Variants in GPM6A observed in about 807,000 individuals in gnomAD.
GPM6A encodes neuronal membrane glycoprotein M6-a.
GPM6A carries 7 observed loss-of-function variants against 32.1 expected under a neutral mutation model. That is an observed-to-expected ratio of 0.22 (90% confidence interval 0.12 to 0.41). The LOEUF is 0.41. Ranked by LOEUF, GPM6A falls within the 10% of genes least tolerant of loss-of-function variation. The pLI, the probability that GPM6A is intolerant of heterozygous loss-of-function variation, is 1.00. For synonymous variants in GPM6A, 130 were observed against 123.4 expected (o/e 1.05, Z -0.35); for missense variants, 235 against 347.2 (o/e 0.68, Z 2.57).
At chr4:175,847,982 T>C (rs534696965) in intron 1 of GPM6A, among the ~76,000 whole-genome samples, 9 of 152,320 alleles carry the variant, frequency 5.9e-5, no homozygotes, top group South Asian at 2.1e-4. Context: ...GAAACTGCTA[T>C]AGTTTCCTAA....
chr4:175,762,703 C>T (rs577527171), intron 1 of GPM6A, among the ~76,000 whole-genome samples: 8 of 152,142 alleles, frequency 5.3e-5, no homozygotes, highest in African/African-American at 1.4e-4. Flanking sequence ...AGAACATATG[C>T]GCATCTGTGC....
chr4:175,690,748 G>T (rs1488061971), intron 2 of GPM6A, among the ~76,000 whole-genome samples: 1 of 152,186 alleles, frequency 6.6e-6, no homozygotes, highest in Non-Finnish European at 1.5e-5. Context: ...AGGAGGATCT[G>T]CTCACCTCAG....
chr4:175,763,132 A>C (rs1164073303), intron 1 of GPM6A, among the ~76,000 whole-genome samples: 1 of 152,216 alleles, frequency 6.6e-6, no homozygotes, highest in Non-Finnish European at 1.5e-5. Context: ...AACAATAACT[A>C]CTTTTCAATA....
chr4:175,873,004 G>A (rs906655857), intron 1 of GPM6A, among the ~76,000 whole-genome samples: 1 of 152,046 alleles, frequency 6.6e-6, no homozygotes, highest in Non-Finnish European at 1.5e-5. Flanking sequence ...TTTATTTAAG[G>A]TATTTGGGGG....
chr4:175,725,709 A>G (rs1160363489), intron 1 of GPM6A, among the ~76,000 whole-genome samples: 1 of 152,224 alleles, frequency 6.6e-6, no homozygotes, highest in African/African-American at 2.4e-5. Context: ...AACGGTATCA[A>G]TGAGTACAGT....
intron 1 of GPM6A, among the ~76,000 whole-genome samples, chr4:175,765,518 CTTTGT>C (rs1339462125): frequency 1.3e-5 from 2 of 152,170 alleles, no homozygotes; most frequent in African/African-American, 4.8e-5. Context: ...TTTCTCTTTT[CTTTGT>C]TTTGACAACA....
At chr4:175,652,010 G>A in intron 3 of GPM6A, 23 bp from the exon 4 acceptor site, 1 of 1,582,608 alleles carries the variant, frequency 6.3e-7, no homozygotes, top group Non-Finnish European at 8.6e-7. Flanking sequence ...AAGAAATGGA[G>A]AGAGAAAATG....
chr4:175,719,942 T>C (rs1009589124), intron 1 of GPM6A, among the ~76,000 whole-genome samples: 1 of 152,198 alleles, frequency 6.6e-6, no homozygotes, highest in Non-Finnish European at 1.5e-5. Flanking sequence ...TTTTCAAATG[T>C]TATAGAAGAA....
chr4:175,665,520 C>A (rs1332254882), intron 3 of GPM6A, among the ~76,000 whole-genome samples: 1 of 152,036 alleles, frequency 6.6e-6, no homozygotes, highest in South Asian at 2.1e-4. Context: ...GTGGCTCAAG[C>A]CTGTAATCCC....
At chr4:175,902,974 T>G (rs947167641) in intron 1 of GPM6A, among the ~76,000 whole-genome samples, 3 of 152,136 alleles carry the variant, frequency 2.0e-5, no homozygotes, top group Non-Finnish European at 2.9e-5. Context: ...TATCTAAATA[T>G]GTACATATGT....
chr4:175,891,499 A>T (rs1737647327), intron 1 of GPM6A: 1 of 152,186 alleles, frequency 6.6e-6, no homozygotes, highest in Non-Finnish European at 1.5e-5. Context: ...ATCCTTTCTA[A>T]CACCCTCTTA....
rs550034048 is a variant in GPM6A, at chr4:175,970,815, T to G, written c.-23+31494A>C. The G allele has an allele frequency of 2.2e-4, 98 of 447,010 alleles. 1 individual carries two copies. The highest frequency in any genetic ancestry group is 1.5e-3 in the South Asian group (94 of 62,224). The allele number at this position is 447,010 out of a possible 1,614,324, so 27.7% of individuals were successfully genotyped here. Reference sequence around the variant, plus strand: ...TATTTTTCTTTGTCACCGCTTCTACTAAATTACTAAGCTGTCAGAAGAAGA... The same window carrying G: ...TATTTTTCTTTGTCACCGCTTCTACGAAATTACTAAGCTGTCAGAAGAAGA... On this transcript the variant is annotated intron_variant, in intron 1 of 7. Coordinates refer to the GPM6A transcript ENST00000280187.
rs1238245286 is a variant in GPM6A at position 175,999,795 on chromosome 4, C to T, written c.-23+2514G>A. On this transcript the variant is annotated intron_variant, in intron 1 of 7. Coordinates refer to the GPM6A transcript ENST00000280187. ...CTGGATTCCATTTGTTGGCGCAATCCAGCATTCTCCTACGCTGTTTTTCCC... is the reference window on the plus strand; with the variant it reads ...CTGGATTCCATTTGTTGGCGCAATCTAGCATTCTCCTACGCTGTTTTTCCC... 3.3e-5 allele frequency among the ~76,000 whole-genome samples: 5 copies of T among 152,146 alleles called. No individual in the cohort carries two copies. In the East Asian group the frequency reaches 7.7e-4, roughly 23 times the overall value.
At chr4:175,795,005 A>G (rs867131438) in intron 1 of GPM6A, among the ~76,000 whole-genome samples, 7 of 152,370 alleles carry the variant, frequency 4.6e-5, no homozygotes, top group Middle Eastern at 3.4e-3. Flanking sequence ...CATAATAAAG[A>G]CAACCTCAAT....
intron 2 of GPM6A, among the ~76,000 whole-genome samples, chr4:175,695,405 G>A (rs1186884735): frequency 6.6e-6 from 1 of 152,232 alleles, no homozygotes. Flanking sequence ...AGTCACAGGG[G>A]TAAAGCTTCC....
chr4:175,990,992 A>G (rs1396839241), intron 1 of GPM6A, among the ~76,000 whole-genome samples: 1 of 151,992 alleles, frequency 6.6e-6, no homozygotes, highest in Non-Finnish European at 1.5e-5. Flanking sequence ...TCCTCTTTAG[A>G]GAAATTTGCT....
At chr4:175,880,355 G>C (rs1394643500) in intron 1 of GPM6A, among the ~76,000 whole-genome samples, 1 of 152,162 alleles carries the variant, frequency 6.6e-6, no homozygotes, top group African/African-American at 2.4e-5. Context: ...GCTTAGGATT[G>C]ACTTGGCAAT....
chr4:175,799,824 G>A (rs182717324), intron 1 of GPM6A, among the ~76,000 whole-genome samples: 28 of 151,090 alleles, frequency 1.9e-4, no homozygotes, highest in African/African-American at 5.8e-4. Flanking sequence ...ACAGGCGCCC[G>A]CCACCGCGCC....
chr4:175,983,009 G>C (rs540306215), intron 1 of GPM6A, among the ~76,000 whole-genome samples: 2 of 151,752 alleles, frequency 1.3e-5, no homozygotes, highest in Non-Finnish European at 2.9e-5. Context: ...ATTTTTTGTG[G>C]GAGTCATAGA....
Sources: gnomAD v4.1 joint callset for allele counts (sites outside exome capture counted in the v4.1 genomes callset) on GRCh38, gnomAD v4.1.1 for gene constraint, MANE v1.5 for transcripts, NCBI Gene and HGNC (gene_info 2026-07-23, HGNC 2026-07-21) for gene names.